Variants in BLTP1 observed in about 807,000 individuals in gnomAD.
BLTP1 encodes bridge-like lipid transfer protein family member 1.
chr4:122,212,103 A>G, the BLTP1 span: 2 of 982,482 alleles, frequency 2.0e-6, no homozygotes, highest in Non-Finnish European at 2.4e-6. Context: ...AGGGTTGGAC[A>G]GGGAAGCACA....
At chr4:122,271,831 G>A in the BLTP1 span, 1 of 763,984 alleles carries the variant, frequency 1.3e-6, no homozygotes, top group South Asian at 2.0e-5. Context: ...GTGGATAATT[G>A]AAATGGAGAG....
chr4:122,309,510 A>C, the BLTP1 span: 1 of 1,544,684 alleles, frequency 6.5e-7, no homozygotes, highest in Non-Finnish European at 8.8e-7. Context: ...TTAAAAAATA[A>C]AACATTAAGT....
At chr4:122,316,291 T>C in the BLTP1 span, 2 of 415,292 alleles carry the variant, frequency 4.8e-6, no homozygotes, top group East Asian at 1.4e-4. Flanking sequence ...TACCATGAAA[T>C]AGTTTTGTTC....
At chr4:122,325,551 C>T in the BLTP1 span, 1 of 1,208,202 alleles carries the variant, frequency 8.3e-7, no homozygotes, top group Non-Finnish European at 1.0e-6. Flanking sequence ...AATAAAGGCT[C>T]CATAACTGCT....
the BLTP1 span, chr4:122,272,379 G>A: frequency 6.2e-7 from 1 of 1,612,352 alleles, no homozygotes. Flanking sequence ...ATCCATGGCA[G>A]TTTTACTCTT....
At chr4:122,300,124 A>G in the BLTP1 span, among the ~76,000 whole-genome samples, 1 of 151,944 alleles carries the variant, frequency 6.6e-6, no homozygotes, top group Non-Finnish European at 1.5e-5. Flanking sequence ...TTCTCCTGCC[A>G]CAGCCTCTCG....
At chr4:122,230,792 G>A in the BLTP1 span, among the ~76,000 whole-genome samples, 1 of 151,990 alleles carries the variant, frequency 6.6e-6, no homozygotes, top group South Asian at 2.1e-4. Flanking sequence ...TATTTAATAT[G>A]TGCTAATTCT....
At chr4:122,348,817 T>A in the BLTP1 span, 1 of 784,758 alleles carries the variant, frequency 1.3e-6, no homozygotes, top group South Asian at 2.3e-5. Context: ...TGCTAAATAT[T>A]TGAAAAAGAA....
chr4:122,301,440 C>A, the BLTP1 span: 18 of 1,175,716 alleles, frequency 1.5e-5, no homozygotes, highest in African/African-American at 2.4e-4. Flanking sequence ...TTTTTCTAAT[C>A]AATTAATATA....
At chr4:122,344,252 A>C in the BLTP1 span, 8 of 1,080,570 alleles carry the variant, frequency 7.4e-6, no homozygotes, top group Non-Finnish European at 1.0e-5. Context: ...CCTCTGCTTA[A>C]ATTTTTACCT....
chr4:122,308,382 AGT>A, the BLTP1 span, among the ~76,000 whole-genome samples: 2 of 152,096 alleles, frequency 1.3e-5, no homozygotes, highest in African/African-American at 4.8e-5. Flanking sequence ...GCTTCAGAAT[AGT>A]GATAAGATTG....
At chr4:122,328,515 A>T in the BLTP1 span, 1 of 505,060 alleles carries the variant, frequency 2.0e-6, no homozygotes. Flanking sequence ...TTTTAATAAA[A>T]TTTATCACAT....
chr4:122,354,769 C>T, the BLTP1 span, among the ~76,000 whole-genome samples: 23 of 151,084 alleles, frequency 1.5e-4, no homozygotes, highest in African/African-American at 4.9e-4. Flanking sequence ...TGGGTTCAAG[C>T]GATTCTCCTG....
chr4:122,197,106 T>C, the BLTP1 span: 2 of 736,096 alleles, frequency 2.7e-6, no homozygotes, highest in Admixed American at 6.6e-5. Context: ...TTAACATCAA[T>C]AATTTCTTCT....
chr4:122,271,047 A>T, the BLTP1 span: 7 of 1,609,916 alleles, frequency 4.3e-6, no homozygotes, highest in South Asian at 1.1e-5. Context: ...CCTCCACTTG[A>T]GTTCAAACCA....
chr4:122,239,138 A>T, the BLTP1 span, among the ~76,000 whole-genome samples: 188 of 152,292 alleles, frequency 1.2e-3, 2 homozygotes, highest in African/African-American at 4.4e-3. Context: ...GGGGTTATGT[A>T]TAACTTCTTC....
At chr4:122,158,074 T>C in the BLTP1 span, among the ~76,000 whole-genome samples, 1 of 152,150 alleles carries the variant, frequency 6.6e-6, no homozygotes, top group African/African-American at 2.4e-5. Context: ...AAGAAATAGT[T>C]TTACTTCAAA....
chr4:122,333,865 T>G, the BLTP1 span: 3 of 1,556,148 alleles, frequency 1.9e-6, no homozygotes, highest in Non-Finnish European at 1.7e-6. Context: ...AATGTTTATT[T>G]TCTATCATAT....
the BLTP1 span, chr4:122,197,512 C>T: frequency 1.2e-6 from 1 of 807,312 alleles, no homozygotes; most frequent in Non-Finnish European, 1.5e-6. Flanking sequence ...GTATACATTT[C>T]TTTTGTAGAA....
Sources: allele counts gnomAD v4.1 joint callset (sites outside exome capture counted in the v4.1 genomes callset), GRCh38; gene constraint gnomAD v4.1.1; transcripts MANE v1.5; gene names NCBI Gene and HGNC (gene_info 2026-07-23, HGNC 2026-07-21).